Variants in EPHA10 observed in about 807,000 individuals in gnomAD.
EPHA10 encodes ephrin type-A receptor 10.
In EPHA10, 120 loss-of-function variants were observed where a neutral mutation model predicts 109.7. The ratio of observed to expected loss-of-function variants is 1.09; its 90% CI spans 0.94 to 1.27. The LOEUF (loss-of-function observed/expected upper bound fraction) is 1.27. Ranked by LOEUF, EPHA10 falls within the 50% of genes most tolerant of loss-of-function variation. The pLI is 0.00. For missense variants in EPHA10, 1,396 were observed against 1,411.1 expected (o/e 0.99, Z 0.17); for synonymous variants, 640 against 618.9 (o/e 1.03, Z -0.51).
At chr1:37,729,336 A>G (rs990389388) in intron 7 of EPHA10, among the ~76,000 whole-genome samples, 1 of 152,192 alleles carries the variant, frequency 6.6e-6, no homozygotes, top group African/African-American at 2.4e-5. Flanking sequence ...AAGATTATAA[A>G]TATTTGTTGT....
chr1:37,719,010 G>GCAGAGC, intron 15 of EPHA10, 194 bp from the exon 16 acceptor site: 1 of 708,762 alleles, frequency 1.4e-6, no homozygotes, highest in Non-Finnish European at 2.3e-6. Context: ...GCAGGTGGAG[G>GCAGAGC]CAGAGCCAGC....
In EPHA10 at chr1:37,759,247, C is replaced by T. The variant is rs754176379; in HGVS notation, c.850+2158G>A. On this transcript the variant is annotated intron_variant, in intron 3 of 16. Coordinates refer to ENST00000373048, the MANE Select transcript of EPHA10 (RefSeq NM_001099439.2). ...AAGCTCTTTATCCCAACATTCAAGGCCTTTCATGATTTCCACCTGCTCCTC... is the reference window on the plus strand; with the variant it reads ...AAGCTCTTTATCCCAACATTCAAGGTCTTTCATGATTTCCACCTGCTCCTC... Among the ~76,000 whole-genome samples, 12 of 152,156 alleles carry T rather than the reference C, an allele frequency of 7.9e-5. 1 individual carries two copies. Among genetic ancestry groups the T allele is most frequent in the Admixed American group, 3.9e-4 (6 of 15,266 alleles).
chr1:37,747,760 T>C (rs1443434482), intron 5 of EPHA10, among the ~76,000 whole-genome samples: 1 of 151,734 alleles, frequency 6.6e-6, no homozygotes, highest in Admixed American at 6.6e-5. Flanking sequence ...AGAGTGAGAC[T>C]CCATCTCAAA....
At chr1:37,761,268 C>T in intron 3 of EPHA10, 137 bp downstream of exon 3, 2 of 1,513,850 alleles carry the variant, frequency 1.3e-6, no homozygotes, top group Non-Finnish European at 1.8e-6. Context: ...CTTCAGGGCT[C>T]TCCTTGGGCT....
intron 2 of EPHA10, 135 bp from the exon 3 acceptor site, chr1:37,762,218 A>C (rs1364390396): frequency 7.4e-6 from 6 of 813,778 alleles, no homozygotes; most frequent in Non-Finnish European, 1.1e-5. Context: ...CGCTGGGAGA[A>C]ACTTTGGAAA....
intron 6 of EPHA10, among the ~76,000 whole-genome samples, chr1:37,732,828 T>C (rs1035934990): frequency 1.4e-5 from 2 of 141,890 alleles, no homozygotes; most frequent in Non-Finnish European, 3.0e-5. Context: ...GAGAGTACAC[T>C]GAAGCCTTTC....
rs1288881141 is a variant in EPHA10, at chr1:37,761,831, G to T, written c.424C>A (p.Pro142Thr). The T allele has an allele frequency of 1.9e-6, 3 of 1,613,248 alleles. No homozygotes were observed. The highest frequency in any genetic ancestry group is 2.5e-6 in the Non-Finnish European group (3 of 1,179,618). ...ETEADLGRGR[P>T]RLGGSRPRKI... is the part of the protein sequence containing the mutation. ...CGGGGCCGGCTGCCGCCTAGGCGGG[G>T]ACGCCCACGGCCCAGGTCGGCCTCA... Residue 142 changes from proline (P) to threonine (T), a missense_variant, in exon 3 of 17, where the codon CCC (proline) becomes ACC (threonine). Pro to Thr is a conservative substitution (Grantham distance 38). Coordinates refer to ENST00000373048, the MANE Select transcript of EPHA10 (RefSeq NM_001099439.2).
intron 3 of EPHA10, among the ~76,000 whole-genome samples, chr1:37,759,272 C>G (rs1646413268): frequency 6.6e-6 from 1 of 152,174 alleles, no homozygotes; most frequent in Non-Finnish European, 1.5e-5. Context: ...ACCTGCTCCT[C>G]TCCAACCCCA....
chr1:37,740,518 G>C (rs1005476984), intron 5 of EPHA10, among the ~76,000 whole-genome samples: 1 of 152,102 alleles, frequency 6.6e-6, no homozygotes, highest in African/African-American at 2.4e-5. Context: ...TGTTAGCCAG[G>C]ATGGTCTCCA....
chr1:37,719,962 A>G lies in EPHA10; in HGVS notation c.2509T>C (p.Trp837Arg), dbSNP rs1645760860. The part of the protein sequence containing the change: ...SDVWSFGIIM[W>R]EVMAFGERPY... ...CGCTCCCCAAAGGCCATCACCTCCC[A>G]CATGATGATGCCGAAGCTCCACACG... is the stretch of plus-strand genomic sequence containing the variant. The change falls in exon 14 of 17, where the codon TGG becomes CGG. Residue 837 changes from tryptophan to arginine, a missense_variant. Coordinates refer to ENST00000373048, the MANE Select transcript of EPHA10 (RefSeq NM_001099439.2). The G allele has an allele frequency of 6.2e-7, 1 of 1,614,110 alleles. No individual in the cohort carries two copies. The highest frequency in any genetic ancestry group is 8.5e-7 in the Non-Finnish European group (1 of 1,180,030).
downstream of EPHA10, chr1:37,715,749 C>T (rs1023870266): frequency 1.3e-5 from 5 of 391,096 alleles, no homozygotes; most frequent in African/African-American, 4.2e-5. Context: ...GGGTAACAGA[C>T]TTCTCTACAT....
chr1:37,720,361 T>A lies in EPHA10; in HGVS notation c.2402A>T (p.Tyr801Phe), dbSNP rs1645769258. ...TGGGGGCGCCCTCACCATAGTGGTGTAGACAGCCTCTGATCGGTCCCGGGG... is the reference window on the plus strand; with the variant it reads ...TGGGGGCGCCCTCACCATAGTGGTGAAGACAGCCTCTGATCGGTCCCGGGG... ...RGPRDRSEAV[Y>F]TTMSGRSPAL... The change falls in exon 13 of 17, where the codon TAC becomes TTC. Residue 801 changes from tyrosine (Y) to phenylalanine (F), a missense_variant. Transcript: ENST00000373048. 2 of 1,607,500 alleles carry A rather than the reference T, an allele frequency of 1.2e-6. No individual in the cohort carries two copies. The highest frequency in any genetic ancestry group is 1.7e-6 in the Non-Finnish European group (2 of 1,177,854).
chr1:37,715,625 C>A (rs554781365), downstream of EPHA10, among the ~76,000 whole-genome samples: 1 of 152,280 alleles, frequency 6.6e-6, no homozygotes, highest in Admixed American at 6.5e-5. Flanking sequence ...AACACATATC[C>A]AAAACTGAGC....
chr1:37,739,816 G>A (rs1018894644), intron 5 of EPHA10, among the ~76,000 whole-genome samples: 4 of 152,034 alleles, frequency 2.6e-5, no homozygotes, highest in African/African-American at 9.7e-5. Context: ...CTACACCCCA[G>A]GTATTGGAGT....
chr1:37,753,026 C>A lies in EPHA10; in HGVS notation c.1207G>T (p.Ala403Ser), dbSNP rs1646353531. ...GTGGCGGCTCGCTCCCGCAGCCCTG[C>A]CTGGCGCGGTAGGAAGGCCACGCGC... ...GPRVAFLPRQ[A>S]GLRERAATLL... The change falls in exon 5 of 17, where the codon GCA (alanine) becomes TCA (serine). Residue 403 changes from alanine (A) to serine (S), a missense_variant. Coordinates refer to ENST00000373048, the MANE Select transcript of EPHA10 (RefSeq NM_001099439.2). The A allele has an allele frequency of 5.7e-6, 7 of 1,233,080 alleles. No homozygotes were observed. Among genetic ancestry groups the A allele is most frequent in the Non-Finnish European group, 7.1e-6 (7 of 989,976 alleles). The allele number at this position is 1,233,080 out of a possible 1,614,324, so 76.4% of individuals were successfully genotyped here. A position where few individuals can be genotyped will look rare whatever the true frequency, so the allele number is the denominator to read the frequency against.
At chr1:37,745,955 G>C (rs1646233987) in intron 5 of EPHA10, among the ~76,000 whole-genome samples, 3 of 152,218 alleles carry the variant, frequency 2.0e-5, no homozygotes, top group Admixed American at 2.0e-4. Context: ...GAAGTCCCAG[G>C]TCAAGAGGTC....
chr1:37,761,874 G>A lies in EPHA10; in HGVS notation c.381C>T (p.Asn127=), dbSNP rs761293236. ...CGGCCTCAGTTTCCAGGTAGTAGAC[G>A]TTGAAGGTCTCCTTGCAGGTACCCG... ...GAAGTCKETF[N]VYYLETEADL... is the part of the protein sequence containing the mutation. The change falls in exon 3 of 17, where the codon AAC becomes AAT. Residue 127 remains asparagine, a synonymous_variant. Transcript: ENST00000373048. 11 of 1,612,038 alleles carry A rather than the reference G, an allele frequency of 6.8e-6. No individual in the cohort carries two copies. In the Admixed American group the frequency reaches 1.7e-4, roughly 24 times the overall value.
chr1:37,725,205 G>A (rs530940672), intron 8 of EPHA10, among the ~76,000 whole-genome samples: 1 of 152,204 alleles, frequency 6.6e-6, no homozygotes, highest in African/African-American at 2.4e-5. Flanking sequence ...AAGGGAACTG[G>A]ATTAAGTATT....
intron 3 of EPHA10, chr1:37,760,164 T>C (rs1476924757): frequency 3.8e-6 from 2 of 522,346 alleles, no homozygotes; most frequent in East Asian, 1.7e-4. Flanking sequence ...TATTACCCTC[T>C]TGTGATTTTT....
Sources: allele counts gnomAD v4.1 joint callset (sites outside exome capture counted in the v4.1 genomes callset), GRCh38; gene constraint gnomAD v4.1.1; transcripts MANE v1.5; gene names NCBI Gene and HGNC (gene_info 2026-07-23, HGNC 2026-07-21).